The following PTPRZ1 variants were observed in gnomAD, a reference collection of about 807,000 sequenced individuals.
PTPRZ1 encodes receptor-type tyrosine-protein phosphatase zeta.
In PTPRZ1, 82 loss-of-function variants were observed where a neutral mutation model predicts 214.1. The ratio of observed to expected loss-of-function variants is 0.38; its 90% CI spans 0.32 to 0.46. The LOEUF is 0.46. PTPRZ1 is among the 20% of genes least tolerant of loss of function. PTPRZ1 has a pLI of 1.00. For synonymous variants in PTPRZ1, 945 were observed against 987.9 expected (o/e 0.96, Z 0.81); for missense variants, 2,603 against 2,748.7 (o/e 0.95, Z 1.19).
At chr7:121,997,499 A>T (rs1166449913) in intron 9 of PTPRZ1, among the ~76,000 whole-genome samples, 1 of 152,148 alleles carries the variant, frequency 6.6e-6, no homozygotes, top group Non-Finnish European at 1.5e-5. Context: ...TATTGTCAAG[A>T]AAAAGAGATA....
chr7:122,034,501 G>A, intron 17 of PTPRZ1, 123 bp downstream of exon 17: 2 of 722,208 alleles, frequency 2.8e-6, no homozygotes, highest in Non-Finnish European at 4.7e-6. Flanking sequence ...TTTTATCAGG[G>A]AATAATAAGA....
intron 1 of PTPRZ1, among the ~76,000 whole-genome samples, chr7:121,922,267 T>A: frequency 6.6e-6 from 1 of 152,152 alleles, no homozygotes; most frequent in East Asian, 1.9e-4. Context: ...TAATCAAAAG[T>A]TGATTCTGGC....
At chr7:121,934,306 A>C (rs1188988673) in intron 2 of PTPRZ1, among the ~76,000 whole-genome samples, 1 of 151,960 alleles carries the variant, frequency 6.6e-6, no homozygotes, top group East Asian at 1.9e-4. Context: ...GCTTGGCTGA[A>C]TCTCAGTGAG....
intron 13 of PTPRZ1, among the ~76,000 whole-genome samples, chr7:122,026,877 A>T (rs1374026335): frequency 6.6e-6 from 1 of 152,194 alleles, no homozygotes; most frequent in Non-Finnish European, 1.5e-5. Flanking sequence ...ATAGAAGTTC[A>T]TTCATCAGAG....
intron 27 of PTPRZ1, among the ~76,000 whole-genome samples, chr7:122,056,023 T>C (rs1029503897): frequency 1.3e-5 from 2 of 151,848 alleles, no homozygotes; most frequent in Non-Finnish European, 3.0e-5. Flanking sequence ...GACTTAGGTC[T>C]TTATTTGTAA....
chr7:121,903,417 C>G (rs1795027106), intron 1 of PTPRZ1, among the ~76,000 whole-genome samples: 1 of 152,082 alleles, frequency 6.6e-6, no homozygotes, highest in Non-Finnish European at 1.5e-5. Context: ...TTGCAGGCTT[C>G]TACTGTTGGT....
intron 1 of PTPRZ1, among the ~76,000 whole-genome samples, chr7:121,874,065 CCTGAAAGGTAGTA>C (rs1793976127): frequency 6.6e-6 from 1 of 151,312 alleles, no homozygotes; most frequent in African/African-American, 2.4e-5. Context: ...CACACACACA[CCTGAAAGGTAGTA>C]ACAGGCACAA....
intron 2 of PTPRZ1, among the ~76,000 whole-genome samples, chr7:121,963,886 A>G (rs575812418): frequency 6.6e-6 from 1 of 152,158 alleles, no homozygotes; most frequent in African/African-American, 2.4e-5. Context: ...TAATCATTCC[A>G]TGCACTTTAA....
chr7:122,008,728 CA>C (rs1325029403), intron 11 of PTPRZ1, among the ~76,000 whole-genome samples: 1 of 151,920 alleles, frequency 6.6e-6, no homozygotes, highest in Non-Finnish European at 1.5e-5. Context: ...GAAAACTAGG[CA>C]AATATTTAGG....
intron 4 of PTPRZ1, among the ~76,000 whole-genome samples, chr7:121,974,565 G>A (rs2116536621): frequency 6.6e-6 from 1 of 152,234 alleles, no homozygotes; most frequent in African/African-American, 2.4e-5. Context: ...TCGGCTCACT[G>A]CAACCTCCAC....
chr7:121,935,369 G>A (rs1251272481), intron 2 of PTPRZ1, among the ~76,000 whole-genome samples: 1 of 152,140 alleles, frequency 6.6e-6, no homozygotes, highest in African/African-American at 2.4e-5. Flanking sequence ...GCAAGTCCTA[G>A]CAGCTCAGAA....
chr7:122,012,679 C>A lies in PTPRZ1; in HGVS notation c.3633C>A (p.Thr1211=), dbSNP rs764061939. The part of the protein sequence containing the change: ...AVPSDPILVE[T]PKVDKISSTM... ...CCAGTGATCCAATATTGGTTGAAAC[C>A]CCCAAAGTTGATAAAATTAGTTCTA... Residue 1211 remains threonine, a synonymous_variant, in exon 12 of 30, where the codon ACC becomes ACA. Transcript: ENST00000393386. The A allele has an allele frequency of 4.2e-5, 67 of 1,611,944 alleles. No individual in the cohort carries two copies. The highest frequency in any genetic ancestry group is 5.1e-5 in the Non-Finnish European group (60 of 1,178,288).
intron 1 of PTPRZ1, chr7:121,908,545 C>G: frequency 3.0e-6 from 1 of 336,050 alleles, no homozygotes; most frequent in South Asian, 2.5e-5. Context: ...GTTCATACTC[C>G]AGTCTTACAG....
rs769374492 is a variant in PTPRZ1, at chr7:122,034,118, A to G, written c.5187+3A>G. 1 of 1,596,244 alleles carries G rather than the reference A, an allele frequency of 6.3e-7. No homozygotes were observed. Among genetic ancestry groups the G allele is most frequent in the Admixed American group, 1.7e-5 (1 of 59,896 alleles). On this transcript the variant is annotated splice_donor_region_variant and intron_variant, in intron 16 of 29. Coordinates refer to ENST00000393386, the MANE Select transcript of PTPRZ1 (RefSeq NM_002851.3). ...AGACACTGAAAGAGTTTTACCAGGT[A>G]AGGCATTATTTCACTGCATTTTCTT...
At chr7:121,913,984 T>C (rs1398822105) in intron 1 of PTPRZ1, among the ~76,000 whole-genome samples, 1 of 152,198 alleles carries the variant, frequency 6.6e-6, no homozygotes, top group African/African-American at 2.4e-5. Context: ...GCATACCTTA[T>C]CCTTTTTATC....
chr7:121,902,200 G>T (rs1435125727), intron 1 of PTPRZ1, among the ~76,000 whole-genome samples: 1 of 152,048 alleles, frequency 6.6e-6, no homozygotes, highest in African/African-American at 2.4e-5. Context: ...TTCTTTTATG[G>T]TTGATGTTCT....
In PTPRZ1 at chr7:122,054,054, C is replaced by G; in HGVS notation, c.6381+16C>G. ...CCAAAACATGGTAAGTCCCTTAGAC[C>G]ACTTTTGGGACTTCCTTTACAGAGG... On this transcript the variant is annotated intron_variant, in intron 26 of 29. Transcript: ENST00000393386. The G allele has an allele frequency of 6.2e-7, 1 of 1,611,516 alleles. No homozygotes were observed. The highest frequency in any genetic ancestry group is 1.1e-5 in the South Asian group (1 of 90,830).
At chr7:122,038,936 T>G (rs754336204) in intron 19 of PTPRZ1, 47 bp downstream of exon 19, 1 of 1,596,030 alleles carries the variant, frequency 6.3e-7, no homozygotes, top group Non-Finnish European at 8.6e-7. Context: ...TAATTAGAGG[T>G]ACTTTAAATT....
At chr7:122,036,284 C>A (rs1366635762) in intron 17 of PTPRZ1, among the ~76,000 whole-genome samples, 1 of 152,164 alleles carries the variant, frequency 6.6e-6, no homozygotes, top group African/African-American at 2.4e-5. Context: ...AGATGTCAAC[C>A]TCTATAGAAA....
Sources: allele counts gnomAD v4.1 joint callset (sites outside exome capture counted in the v4.1 genomes callset), GRCh38; gene constraint gnomAD v4.1.1; transcripts MANE v1.5; gene names NCBI Gene and HGNC (gene_info 2026-07-23, HGNC 2026-07-21).